Variants in RALGPS1 observed in about 807,000 individuals in gnomAD.
RALGPS1 encodes the protein Ral GEF with PH domain and SH3 binding motif 1.
A neutral mutation model predicts 78.8 loss-of-function variants in RALGPS1; 19 were observed. That is an observed-to-expected ratio of 0.24 (90% confidence interval 0.17 to 0.35). RALGPS1 has a LOEUF of 0.35. Among genes scored for constraint, RALGPS1 ranks in the 10% least tolerant of loss-of-function variants. The probability of loss-of-function intolerance (pLI) is 1.00; values close to 1 mark genes in which losing one functional copy is unlikely to be tolerated. For synonymous variants in RALGPS1, 228 were observed against 256.3 expected (o/e 0.89, Z 1.06); for missense variants, 454 against 688.3 (o/e 0.66, Z 3.81).
rs1294056227 is a variant in RALGPS1 at position 126,933,976 on chromosome 9, G to A, written c.-66+19001G>A. ...CTCGGTTTTTGGCCTGTCAGAATGC[G>A]TTTTCCCACAGTGTCAGTTTTTCTC... On this transcript the variant is annotated intron_variant, in intron 1 of 18. Transcript: ENST00000259351. Among the ~76,000 whole-genome samples, 8 of 152,212 alleles carry A rather than the reference G, an allele frequency of 5.3e-5. No individual in the cohort carries two copies. The South Asian group carries it at 6.2e-4, about 12-fold the overall frequency.
At chr9:127,003,604 A>G (rs1357348335) in intron 4 of RALGPS1, among the ~76,000 whole-genome samples, 1 of 152,182 alleles carries the variant, frequency 6.6e-6, no homozygotes, top group Non-Finnish European at 1.5e-5. Context: ...CTTGGATGCA[A>G]TGTGTGGGAG....
intron 1 of RALGPS1, among the ~76,000 whole-genome samples, chr9:126,929,193 A>T (rs1332315670): frequency 6.6e-6 from 1 of 152,264 alleles, no homozygotes; most frequent in Non-Finnish European, 1.5e-5. Context: ...TAACAAGGTC[A>T]GTATGAGATT....
At chr9:127,200,849 C>T (rs747298269) in intron 14 of RALGPS1, among the ~76,000 whole-genome samples, 1 of 152,254 alleles carries the variant, frequency 6.6e-6, no homozygotes, top group Non-Finnish European at 1.5e-5. Flanking sequence ...AATGAGAAGA[C>T]ATCAAATGGC....
intron 4 of RALGPS1, among the ~76,000 whole-genome samples, chr9:127,017,873 G>A (rs2045012409): frequency 6.6e-6 from 1 of 152,102 alleles, no homozygotes; most frequent in African/African-American, 2.4e-5. Flanking sequence ...TGTCCCACTG[G>A]AAGGTTTTCA....
At chr9:126,973,003 A>G (rs949208839) in intron 3 of RALGPS1, among the ~76,000 whole-genome samples, 4 of 151,614 alleles carry the variant, frequency 2.6e-5, no homozygotes, top group African/African-American at 4.9e-5. Context: ...TGGAGGTTGC[A>G]GTGAGCCGAG....
chr9:127,142,194 T>C (rs560444372), intron 8 of RALGPS1, among the ~76,000 whole-genome samples: 2 of 152,334 alleles, frequency 1.3e-5, no homozygotes, highest in South Asian at 4.1e-4. Flanking sequence ...GAGATGCCTC[T>C]AAGAGGGCAT....
At chr9:126,958,223 G>T (rs2038556866) in intron 1 of RALGPS1, among the ~76,000 whole-genome samples, 1 of 144,672 alleles carries the variant, frequency 6.9e-6, no homozygotes, top group Admixed American at 6.9e-5. Flanking sequence ...GGAGGGAAGA[G>T]TTAAACATGT....
At chr9:127,046,043 G>A (rs1474221674) in intron 5 of RALGPS1, among the ~76,000 whole-genome samples, 1 of 152,170 alleles carries the variant, frequency 6.6e-6, no homozygotes, top group Non-Finnish European at 1.5e-5. Context: ...AACAATACAG[G>A]GGTTGTGTCA....
At chr9:126,932,308 T>G (rs1454984153) in intron 1 of RALGPS1, among the ~76,000 whole-genome samples, 1 of 152,200 alleles carries the variant, frequency 6.6e-6, no homozygotes, top group African/African-American at 2.4e-5. Context: ...AATCGGTCTA[T>G]CCACTTTGGA....
chr9:127,177,490 T>G (rs2059947428), intron 11 of RALGPS1, among the ~76,000 whole-genome samples: 1 of 152,156 alleles, frequency 6.6e-6, no homozygotes, highest in Admixed American at 6.5e-5. Context: ...AGCTGGTCCC[T>G]GCATTTCACC....
intron 11 of RALGPS1, among the ~76,000 whole-genome samples, chr9:127,181,748 T>C (rs369135385): frequency 1.7e-4 from 26 of 151,948 alleles, no homozygotes; most frequent in African/African-American, 6.3e-4. Context: ...CCTTTCTCCA[T>C]CTCTTTGGCC....
chr9:127,060,499 T>A (rs1437659039), intron 7 of RALGPS1, among the ~76,000 whole-genome samples: 1 of 146,596 alleles, frequency 6.8e-6, no homozygotes, highest in African/African-American at 2.6e-5. Flanking sequence ...GAGGGGTTGG[T>A]AAGTATTACC....
At chr9:127,067,801 G>T (rs933113341) in intron 7 of RALGPS1, among the ~76,000 whole-genome samples, 2 of 152,172 alleles carry the variant, frequency 1.3e-5, no homozygotes, top group East Asian at 3.9e-4. Context: ...AGACTCACAG[G>T]TGCTGCCAGC....
intron 5 of RALGPS1, among the ~76,000 whole-genome samples, chr9:127,044,203 T>C (rs1290687251): frequency 1.3e-5 from 2 of 152,046 alleles, no homozygotes; most frequent in African/African-American, 4.8e-5. Flanking sequence ...AATAGCATTC[T>C]TCCAAAAAAG....
intron 14 of RALGPS1, among the ~76,000 whole-genome samples, chr9:127,203,179 T>C (rs559086057): frequency 5.9e-5 from 9 of 152,322 alleles, no homozygotes; most frequent in African/African-American, 2.2e-4. Context: ...GCGGCGATCA[T>C]GTATGTATAT....
At chr9:126,997,053 A>G (rs1296892013) in intron 4 of RALGPS1, among the ~76,000 whole-genome samples, 3 of 152,254 alleles carry the variant, frequency 2.0e-5, no homozygotes, top group Admixed American at 1.3e-4. Context: ...AGAGCTATCT[A>G]TGACAACCCC....
At chr9:127,042,633 C>T (rs1432861534) in intron 5 of RALGPS1, among the ~76,000 whole-genome samples, 2 of 152,142 alleles carry the variant, frequency 1.3e-5, no homozygotes, top group African/African-American at 4.8e-5. Flanking sequence ...CTCTCTTATC[C>T]GTTCTGTACA....
intron 7 of RALGPS1, among the ~76,000 whole-genome samples, chr9:127,063,461 C>A (rs1428731605): frequency 6.6e-6 from 1 of 151,804 alleles, no homozygotes; most frequent in Non-Finnish European, 1.5e-5. Flanking sequence ...TGGTTATAGC[C>A]CCTTTCTCAG....
chr9:127,060,022 C>G (rs962079026), intron 7 of RALGPS1, among the ~76,000 whole-genome samples: 1 of 152,154 alleles, frequency 6.6e-6, no homozygotes, highest in African/African-American at 2.4e-5. Flanking sequence ...AAATAAAGTG[C>G]TCTCAGAGTC....
Sources: gnomAD v4.1 joint callset for allele counts (sites outside exome capture counted in the v4.1 genomes callset) on GRCh38, gnomAD v4.1.1 for gene constraint, MANE v1.5 for transcripts, NCBI Gene and HGNC (gene_info 2026-07-23, HGNC 2026-07-21) for gene names.